Variants in ZBTB4 observed in about 807,000 individuals in gnomAD.
ZBTB4 encodes zinc finger and BTB domain-containing protein 4.
A neutral mutation model predicts 59.8 loss-of-function variants in ZBTB4; 14 were observed. That is an observed-to-expected ratio of 0.23 (90% CI 0.15 to 0.37). ZBTB4 has a LOEUF of 0.37. Ranked by LOEUF, ZBTB4 falls within the 10% of genes least tolerant of loss-of-function variation. ZBTB4 has a pLI of 1.00. For missense variants in ZBTB4, 1,198 were observed against 1,380.8 expected (o/e 0.87, Z 2.10); for synonymous variants, 587 against 575.2 (o/e 1.02, Z -0.29).
rs1470806116 is a variant in ZBTB4 at position 7,466,176 on chromosome 17, G to T, written c.626C>A (p.Pro209Gln). Residue 209 changes from proline to glutamine, a missense_variant, in exon 3 of 4, where the codon CCA (proline) becomes CAA (glutamine). Pro to Gln is a moderately conservative substitution (Grantham distance 76). Coordinates refer to ENST00000380599, the MANE Select transcript of ZBTB4 (RefSeq NM_001128833.2). The surrounding 1 kb of genome is among the most constrained non-coding windows in gnomAD (Gnocchi z 9.1). ...CCTGTCACCCTCCCACTCCCCAGCT[G>T]GCCTGGGCCCGGGCCCAAAGCTGTC... The part of the protein sequence containing the change: ...EEDSFGPGPR[P>Q]AGEWEGDRAE... The T allele has an allele frequency of 6.2e-7, 1 of 1,613,228 alleles. No homozygotes were observed. The highest frequency in any genetic ancestry group is 2.2e-5 in the East Asian group (1 of 44,880).
intron 3 of ZBTB4, among the ~76,000 whole-genome samples, chr17:7,465,297 A>C (rs1265019270): frequency 1.3e-5 from 2 of 151,424 alleles, no homozygotes; most frequent in Non-Finnish European, 2.9e-5. Flanking sequence ...ACTCTACTAA[A>C]AATACAAAAA....
intron 1 of ZBTB4, among the ~76,000 whole-genome samples, chr17:7,478,535 C>T (rs1394985164): frequency 6.6e-6 from 1 of 152,168 alleles, no homozygotes; most frequent in Non-Finnish European, 1.5e-5. Context: ...AGGCCCACAA[C>T]CGCCCCCTCC....
intron 2 of ZBTB4, chr17:7,467,040 C>T (rs2070138121): frequency 1.4e-6 from 1 of 718,690 alleles, no homozygotes; most frequent in African/African-American, 1.9e-5. Flanking sequence ...CCAGAGATAC[C>T]TCAGGTCATG....
Position 7,462,853 on chromosome 17 carries a change from G to C in ZBTB4, c.2129C>G (p.Thr710Ser), listed in dbSNP as rs1408998611. ...QKLERRSWEE[T>S]PAAESPAGRA... ...TCCCGCTGGGCTCTCGGCCGCTGGG[G>C]TTTCCTCCCAGCTCCTCCGTTCCAG... Residue 710 changes from threonine to serine, a missense_variant, in exon 4 of 4, where the codon ACC (threonine) becomes AGC (serine). Coordinates refer to ENST00000380599, the MANE Select transcript of ZBTB4 (RefSeq NM_001128833.2). The surrounding 1 kb of genome is among the most constrained non-coding windows in gnomAD (Gnocchi z 7.5). The C allele has an allele frequency of 1.2e-6, 2 of 1,604,764 alleles. No individual in the cohort carries two copies. The highest frequency in any genetic ancestry group is 8.5e-7 in the Non-Finnish European group (1 of 1,179,794).
chr17:7,474,973 C>T (rs895104666), intron 1 of ZBTB4, among the ~76,000 whole-genome samples: 4 of 144,460 alleles, frequency 2.8e-5, no homozygotes, highest in African/African-American at 1.0e-4. Flanking sequence ...GATTGCGCCA[C>T]TGCATTCCAG....
chr17:7,475,011 CAAAAAAAAAAAAAAA>C (rs56936340), intron 1 of ZBTB4, among the ~76,000 whole-genome samples: 2 of 37,496 alleles, frequency 5.3e-5, no homozygotes, highest in South Asian at 1.4e-3. Flanking sequence ...GACTCTGCCT[CAAAAAAAAAAAAAAA>C]AAAAAAAAAG....
upstream of ZBTB4, among the ~76,000 whole-genome samples, chr17:7,480,217 A>G (rs977819518): frequency 6.6e-6 from 1 of 152,194 alleles, no homozygotes; most frequent in African/African-American, 2.4e-5. Flanking sequence ...CCACCAGCAG[A>G]TAGATCCACA....
In ZBTB4 at chr17:7,459,688, T is replaced by C. The variant is rs1391632744; in HGVS notation, c.*2252A>G. 1 of 152,404 alleles carries C rather than the reference T, an allele frequency of 6.6e-6. No homozygotes were observed. Among genetic ancestry groups the C allele is most frequent in the African/African-American group, 2.4e-5 (1 of 41,404 alleles). 9.4% of individuals were successfully genotyped at this position (152,404 alleles called of 1,614,324 possible). ...ATTCAAATTCCCCAGCTCAAATACA[T>C]ATATTTTAATCTCCACGTCGCCACA... On this transcript the variant is annotated 3_prime_UTR_variant, in exon 4 of 4. Coordinates refer to ENST00000380599, the MANE Select transcript of ZBTB4 (RefSeq NM_001128833.2).
rs2069993144 is a variant in ZBTB4 at position 7,459,846 on chromosome 17, T to C, written c.*2094A>G. Reference sequence around the variant, plus strand: ...ATGGTTTTGGAATTTTGACCTATTCTGAAGTTCCAATTCTCCGGTCCATCC... The same window carrying C: ...ATGGTTTTGGAATTTTGACCTATTCCGAAGTTCCAATTCTCCGGTCCATCC... On this transcript the variant is annotated 3_prime_UTR_variant, in exon 4 of 4. Coordinates refer to ENST00000380599, the MANE Select transcript of ZBTB4 (RefSeq NM_001128833.2). The C allele has an allele frequency of 6.6e-6, 1 of 152,556 alleles. No individual in the cohort carries two copies. Among genetic ancestry groups the C allele is most frequent in the Admixed American group, 6.6e-5 (1 of 15,262 alleles). The allele number at this position is 152,556 out of a possible 1,614,324, so 9.5% of individuals were successfully genotyped here.
chr17:7,472,334 G>A (rs1227929925), intron 1 of ZBTB4, among the ~76,000 whole-genome samples: 1 of 152,046 alleles, frequency 6.6e-6, no homozygotes, highest in Admixed American at 6.6e-5. Context: ...GGGATTACAG[G>A]CGCCTGCCAC....
At chr17:7,483,176 G>T (rs2070370014), upstream of ZBTB4, 2 of 1,262,874 alleles carry the variant, frequency 1.6e-6, no homozygotes, top group South Asian at 3.0e-5. Context: ...AAGACCTGGG[G>T]CCAGCCTGGG....
At chr17:7,479,128 CG>C (rs1323769027) in intron 1 of ZBTB4, among the ~76,000 whole-genome samples, 3 of 152,070 alleles carry the variant, frequency 2.0e-5, no homozygotes, top group Admixed American at 2.0e-4. Context: ...ATCTGCCCCA[CG>C]GGGGGAGGGG....
chr17:7,483,868 G>A (rs1219031930), upstream of ZBTB4: 1 of 152,342 alleles, frequency 6.6e-6, no homozygotes, highest in Non-Finnish European at 1.5e-5. Flanking sequence ...GGGGCCGTTT[G>A]ACAAACATCG....
chr17:7,479,211 C>G (rs1180103599), intron 1 of ZBTB4, among the ~76,000 whole-genome samples: 2 of 152,128 alleles, frequency 1.3e-5, no homozygotes, highest in East Asian at 1.9e-4. Flanking sequence ...CAGGCGATCG[C>G]GTCCCACGGC....
At position 7,464,839 on chromosome 17, in the gene ZBTB4, A is replaced by T. The variant is rs2070090470; in HGVS notation, c.1091+872T>A. On this transcript the variant is annotated intron_variant, in intron 3 of 3. Coordinates refer to ENST00000380599, the MANE Select transcript of ZBTB4 (RefSeq NM_001128833.2). ...GGGGACAGAGCGAGACTCGGTCTTA[A>T]AAAAAAAAAATGCCGTCTTAAAAAA... Among the ~76,000 whole-genome samples the T allele has an allele frequency of 3.4e-5, 5 of 146,346 alleles. No individual in the cohort carries two copies. The Admixed American group carries it at 3.4e-4, about 10-fold the overall frequency.
In ZBTB4 at chr17:7,466,496, AGAAGCAGAGGAG is replaced by A; in HGVS notation, c.294_305del (p.Ala101_Ser104del). On this transcript the variant is annotated inframe_deletion, in exon 3 of 4. Transcript: ENST00000380599. The surrounding 1 kb of genome is among the most constrained non-coding windows in gnomAD (Gnocchi z 9.1). ...AGGAAGAGGAAGAGGAAGAAGAAGA[AGAAGCAGAGGAG>A]GAAGAAGAGGAAGAAGACGAGGAAG... 6.2e-7 allele frequency: 1 copy of A among 1,609,410 alleles called. No individual in the cohort carries two copies. Among genetic ancestry groups the A allele is most frequent in the East Asian group, 2.2e-5 (1 of 44,784 alleles).
In ZBTB4 at chr17:7,463,621, C is replaced by T; in HGVS notation, c.1361G>A (p.Ser454Asn). ...NTPAPVAMPA[S>N]PPPGPPPAPE... ...GGCAGGTGGAGGCCCAGGCGGCGGG[C>T]TGGCTGGCATTGCCACAGGGGCCGG... Residue 454 changes from serine (S) to asparagine (N), a missense_variant, in exon 4 of 4, where the codon AGC becomes AAC. By Grantham distance (46) the Ser-to-Asn change is conservative (BLOSUM62 1). Transcript: ENST00000380599. 6.2e-7 allele frequency: 1 copy of T among 1,607,260 alleles called. No homozygotes were observed. Among genetic ancestry groups the T allele is most frequent in the Non-Finnish European group, 8.5e-7 (1 of 1,176,774 alleles).
rs1306715390 is a variant in ZBTB4, at chr17:7,459,862, C to T, written c.*2078G>A. The T allele has an allele frequency of 2.6e-5, 4 of 152,500 alleles. No homozygotes were observed. Among genetic ancestry groups the T allele is most frequent in the African/African-American group, 7.2e-5 (3 of 41,388 alleles). The allele number at this position is 152,500 out of a possible 1,614,324, so 9.4% of individuals were successfully genotyped here. A position where few individuals can be genotyped will look rare whatever the true frequency, so the allele number is the denominator to read the frequency against. ...GACCTATTCTGAAGTTCCAATTCTC[C>T]GGTCCATCCTCAACCCTTCCATTTT... On this transcript the variant is annotated 3_prime_UTR_variant, in exon 4 of 4. Transcript: ENST00000380599.
rs142183003 is a variant in ZBTB4 at position 7,462,827 on chromosome 17, G to A, written c.2155C>T (p.Arg719Cys). ...CGGTGCCTCCGCTCTGTGCGGGCAC[G>A]TCCCGCTGGGCTCTCGGCCGCTGGG... ...ETPAAESPAG[R>C]ARTERRHRCG... Residue 719 changes from arginine to cysteine, a missense_variant, in exon 4 of 4, where the codon CGT (arginine) becomes TGT (cysteine). Physicochemically the swap from Arg to Cys is radical, Grantham distance 180 (BLOSUM62 -3). Around this residue, in one of 9 missense-constraint regions of ZBTB4, gnomAD observed 550 missense variants for 541.8 expected, o/e 1.02. Transcript: ENST00000380599. This position sits in a 1 kb window ranked among gnomAD's most constrained non-coding sequence, Gnocchi z 7.5. 539 of 1,603,090 alleles carry A rather than the reference G, an allele frequency of 3.4e-4. 1 individual carries two copies. The highest frequency in any genetic ancestry group is 4.1e-4 in the Non-Finnish European group (487 of 1,179,742).
Sources: allele counts gnomAD v4.1 joint callset (sites outside exome capture counted in the v4.1 genomes callset), GRCh38; gene constraint gnomAD v4.1.1; regional missense constraint gnomAD v4.1.1; non-coding constraint Gnocchi (gnomAD v3.1); transcripts MANE v1.5; gene names NCBI Gene and HGNC (gene_info 2026-07-23, HGNC 2026-07-21).